Variants in COPG1 observed in about 807,000 individuals in gnomAD.
The protein encoded by COPG1 is coat protein complex I subunit gamma 1, also known as coatomer subunit gamma-1.
In COPG1, 29 loss-of-function variants were observed where a neutral mutation model predicts 102.8. The observed-to-expected ratio is 0.28, with a 90% CI of 0.21 to 0.38. The LOEUF (loss-of-function observed/expected upper bound fraction) is 0.38, where lower values mean the gene tolerates loss of function less well. Ranked by LOEUF, COPG1 falls within the 10% of genes least tolerant of loss-of-function variation. The pLI, the probability that COPG1 is intolerant of heterozygous loss-of-function variation, is 1.00. For synonymous variants in COPG1, 406 were observed against 421.6 expected (o/e 0.96, Z 0.45); for missense variants, 875 against 1,132.7 (o/e 0.77, Z 3.27).
intron 2 of COPG1, 139 bp downstream of exon 2, chr3:129,250,873 G>T (rs1040363698): frequency 1.6e-6 from 1 of 610,056 alleles, no homozygotes; most frequent in Non-Finnish European, 3.0e-6. Flanking sequence ...TGGAAGACAG[G>T]AAAACTTTGT....
intron 12 of COPG1, 109 bp downstream of exon 12, chr3:129,260,916 T>C: frequency 8.4e-7 from 1 of 1,187,182 alleles, no homozygotes; most frequent in Non-Finnish European, 1.2e-6. Context: ...CTGGTCAGCC[T>C]TGAGGACTCA....
In COPG1 at chr3:129,254,997, C is replaced by T. The variant is rs1485373398; in HGVS notation, c.412C>T (p.Gln138Ter). 4 of 1,614,004 alleles carry T rather than the reference C, an allele frequency of 2.5e-6. No homozygotes were observed. The highest frequency in any genetic ancestry group is 3.4e-6 in the Non-Finnish European group (4 of 1,179,868). The change falls in exon 7 of 24, where the codon CAG becomes TAG. Residue 138 changes from glutamine to a stop codon, truncating the protein, a stop_gained. Transcript: ENST00000314797. LOFTEE classifies it high-confidence loss of function. ...CTTTTGCCCACAGAGCACCATGCTG[C>T]AGGCTATTGAGCGCTACATGAAACA... The part of the protein sequence containing the change: ...LCQITDSTML[Q>*]AIERYMKQAI...
intron 7 of COPG1, 110 bp from the exon 8 acceptor site, chr3:129,255,958 A>G (rs1042149830): frequency 5.3e-5 from 45 of 851,680 alleles, no homozygotes; most frequent in Non-Finnish European, 7.6e-5. Flanking sequence ...TCTGAGGACC[A>G]GGACAGTGGC....
rs1446761561 is a variant in COPG1 at position 129,254,672 on chromosome 3, A to G, written c.328A>G (p.Thr110Ala). 5.6e-6 allele frequency: 9 copies of G among 1,613,864 alleles called. No homozygotes were observed. The highest frequency in any genetic ancestry group is 7.6e-6 in the Non-Finnish European group (9 of 1,179,886). Residue 110 changes from threonine (T) to alanine (A), a missense_variant, in exon 6 of 24, where the codon ACA becomes GCA. Thr to Ala is a moderately conservative substitution (Grantham distance 58, BLOSUM62 0). Transcript: ENST00000314797. ...EDVIIVTSSLTKDMTGKEDNY... is the reference protein window; with the variant it reads ...EDVIIVTSSLAKDMTGKEDNY... ...ACAATGCCTTCTTCCCTGCAGCCTA[A>G]CAAAAGACATGACTGGGAAAGAAGA...
At chr3:129,276,513 G>A (rs773281021) in intron 23 of COPG1, among the ~76,000 whole-genome samples, 34 of 152,066 alleles carry the variant, frequency 2.2e-4, no homozygotes, top group Non-Finnish European at 4.3e-4. Context: ...TTTTGGCTGA[G>A]TGTTTATAAA....
At chr3:129,252,762 G>A in intron 4 of COPG1, 68 bp downstream of exon 4, 1 of 1,546,788 alleles carries the variant, frequency 6.5e-7, no homozygotes, top group Non-Finnish European at 8.9e-7. Context: ...GGGCCAAAGA[G>A]AGCTGGCCCC....
At chr3:129,258,456 G>T (rs1939860438) in intron 10 of COPG1, among the ~76,000 whole-genome samples, 1 of 152,182 alleles carries the variant, frequency 6.6e-6, no homozygotes, top group Admixed American at 6.5e-5. Flanking sequence ...GCCGTTTGCT[G>T]TTTTTTGTTT....
chr3:129,260,248 G>A (rs1939899210), intron 10 of COPG1, 85 bp from the exon 11 acceptor site: 1 of 1,232,044 alleles, frequency 8.1e-7, no homozygotes, highest in Middle Eastern at 1.9e-4. Flanking sequence ...CTGAGCAGAG[G>A]GTTTGAGTCA....
chr3:129,249,879 C>T (rs1042330766), intron 1 of COPG1, 133 bp downstream of exon 1: 1 of 885,032 alleles, frequency 1.1e-6, no homozygotes, highest in Admixed American at 2.9e-5. Flanking sequence ...CACAGCTAGT[C>T]AGTGGCAGGC....
Position 129,267,099 on chromosome 3 carries a change from G to A in COPG1, c.1544G>A (p.Arg515Lys), listed in dbSNP as rs777013921. The A allele has an allele frequency of 3.7e-6, 6 of 1,613,272 alleles. No individual in the cohort carries two copies. Among genetic ancestry groups the A allele is most frequent in the Non-Finnish European group, 5.1e-6 (6 of 1,179,514 alleles). Residue 515 changes from arginine to lysine, a missense_variant and splice_region_variant, in exon 15 of 24, where the codon AGG becomes AAG. Arg to Lys is a conservative substitution (Grantham distance 26). Transcript: ENST00000314797. ...MLPSILVLLK[R>K]CVMDDDNEVR... ...CCCAGTATCTTGGTGTTGCTGAAGAGGTGAGTCTAGGCCCAGGGGCCCTAA... is the reference window on the plus strand; with the variant it reads ...CCCAGTATCTTGGTGTTGCTGAAGAAGTGAGTCTAGGCCCAGGGGCCCTAA...
Position 129,275,151 on chromosome 3 carries a change from G to A in COPG1, c.2396-43G>A, listed in dbSNP as rs1940241755. 6.3e-7 allele frequency: 1 copy of A among 1,575,990 alleles called. No individual in the cohort carries two copies. The highest frequency in any genetic ancestry group is 8.7e-7 in the Non-Finnish European group (1 of 1,146,038). ...ATGGGGGAGTGGTGGTGGCACAAAG[G>A]GCAGATAAGATGGCTTAACAATATT... On this transcript the variant is annotated intron_variant, in intron 22 of 23. Transcript: ENST00000314797. The surrounding 1 kb of genome is among the most constrained non-coding windows in gnomAD (Gnocchi z 5.0).
chr3:129,249,849 C>T, intron 1 of COPG1, 103 bp downstream of exon 1: 1 of 1,278,160 alleles, frequency 7.8e-7, no homozygotes, highest in Non-Finnish European at 1.1e-6. Context: ...CAGTGAGGGG[C>T]AGGGGCTTGT....
At chr3:129,277,189 C>T (rs1267178869) in intron 23 of COPG1, 105 bp from the exon 24 acceptor site, 2 of 1,190,768 alleles carry the variant, frequency 1.7e-6, no homozygotes, top group East Asian at 2.4e-5. Flanking sequence ...CTGCCCGTTT[C>T]ACTACACCAG....
In COPG1 at chr3:129,272,873, C is replaced by G. The variant is rs368374417; in HGVS notation, c.2225C>G (p.Thr742Ser). The G allele has an allele frequency of 6.2e-7, 1 of 1,611,938 alleles. No individual in the cohort carries two copies. Among genetic ancestry groups the G allele is most frequent in the African/African-American group, 1.3e-5 (1 of 74,872 alleles). Residue 742 changes from threonine to serine, a missense_variant, in exon 21 of 24, where the codon ACT (threonine) becomes AGT (serine). Coordinates refer to ENST00000314797, the MANE Select transcript of COPG1 (RefSeq NM_016128.4). Reference protein sequence around the residue: ...VKDCDPTTGETDDEGYEDEYV... With the variant: ...VKDCDPTTGESDDEGYEDEYV... ...GACTGTGATCCCACCACTGGGGAGA[C>G]TGATGACGAAGGCTATGAGGATGAG...
At chr3:129,258,521 G>A (rs1317222508) in intron 10 of COPG1, among the ~76,000 whole-genome samples, 1 of 152,168 alleles carries the variant, frequency 6.6e-6, no homozygotes, top group Non-Finnish European at 1.5e-5. Flanking sequence ...GCAGTGGTGC[G>A]ATCTCAGCTC....
intron 2 of COPG1, 81 bp from the exon 3 acceptor site, chr3:129,252,200 C>T (rs1939713769): frequency 9.9e-7 from 1 of 1,014,234 alleles, no homozygotes; most frequent in Admixed American, 1.7e-5. Flanking sequence ...TCAGTTTACC[C>T]TGAGACTTCT....
Position 129,268,059 on chromosome 3 carries a change from A to C in COPG1, c.1648+19A>C. 1.9e-6 allele frequency: 3 copies of C among 1,586,932 alleles called. No individual in the cohort carries two copies. The highest frequency in any genetic ancestry group is 2.6e-6 in the Non-Finnish European group (3 of 1,155,904). On this transcript the variant is annotated intron_variant, in intron 16 of 23. Transcript: ENST00000314797. ...CTAAATGGTGAGTCATTCCCTGGCT[A>C]TCTTGGACTCAGCACCTTACTGGAG...
intron 2 of COPG1, among the ~76,000 whole-genome samples, chr3:129,251,163 T>G (rs781207086): frequency 6.0e-5 from 9 of 151,070 alleles, no homozygotes; most frequent in Admixed American, 2.0e-4. Context: ...GACCTCGTGA[T>G]CCACCCGCCT....
chr3:129,265,727 A>G lies in COPG1; in HGVS notation c.1403A>G (p.Asn468Ser), dbSNP rs534863187. 9.3e-6 allele frequency: 15 copies of G among 1,614,106 alleles called. No individual in the cohort carries two copies. In the East Asian group the frequency reaches 1.1e-4, roughly 12 times the overall value. Residue 468 changes from asparagine to serine, a missense_variant, in exon 14 of 24, where the codon AAT (asparagine) becomes AGT (serine). Asn to Ser is a conservative substitution (Grantham distance 46). Coordinates refer to ENST00000314797, the MANE Select transcript of COPG1 (RefSeq NM_016128.4). ...LLGQEGPKTT[N>S]PSKYIRFIYN... Reference sequence around the variant, plus strand: ...GGCCAGGAGGGGCCCAAGACCACCAATCCCTCAAAGTACATCCGCTTCATC... The same window carrying G: ...GGCCAGGAGGGGCCCAAGACCACCAGTCCCTCAAAGTACATCCGCTTCATC...
Sources: allele counts gnomAD v4.1 joint callset (sites outside exome capture counted in the v4.1 genomes callset), GRCh38; gene constraint gnomAD v4.1.1; non-coding constraint Gnocchi (gnomAD v3.1); transcripts MANE v1.5; gene names NCBI Gene and HGNC (gene_info 2026-07-23, HGNC 2026-07-21).